NELL1: variants seen among roughly 807,000 people sequenced by gnomAD.
The protein encoded by NELL1 is neural EGFL like 1.
NELL1 carries 76 observed loss-of-function variants against 107.4 expected under a neutral mutation model. The observed-to-expected ratio is 0.71, with a 90% CI of 0.59 to 0.86. The LOEUF (loss-of-function observed/expected upper bound fraction) is 0.86. NELL1 is among the 40% of genes least tolerant of loss of function. The pLI, the probability that NELL1 is intolerant of heterozygous loss-of-function variation, is 0.00. For synonymous variants in NELL1, 353 were observed against 341.2 expected (o/e 1.03, Z -0.38); for missense variants, 1,024 against 1,005.5 (o/e 1.02, Z -0.25).
At chr11:21,436,493 CTT>C (rs960444221) in intron 15 of NELL1, among the ~76,000 whole-genome samples, 1 of 152,070 alleles carries the variant, frequency 6.6e-6, no homozygotes, top group African/African-American at 2.4e-5. Flanking sequence ...TGTAATGTCT[CTT>C]ATTTCATTTC....
At chr11:21,479,509 G>C (rs924304662) in intron 15 of NELL1, among the ~76,000 whole-genome samples, 20 of 152,096 alleles carry the variant, frequency 1.3e-4, no homozygotes, top group African/African-American at 4.6e-4. Flanking sequence ...TAATAGAGAT[G>C]AAAAGTAGAA....
intron 14 of NELL1, among the ~76,000 whole-genome samples, chr11:21,301,950 A>C (rs1309821565): frequency 1.3e-5 from 2 of 152,042 alleles, no homozygotes; most frequent in Non-Finnish European, 2.9e-5. Context: ...TTGAGGTACT[A>C]ATATGTTCTG....
chr11:20,813,905 A>G (rs919831869), intron 3 of NELL1, among the ~76,000 whole-genome samples: 1 of 152,040 alleles, frequency 6.6e-6, no homozygotes, highest in Non-Finnish European at 1.5e-5. Context: ...TGTCTTTATC[A>G]CAACCAAGAT....
intron 14 of NELL1, among the ~76,000 whole-genome samples, chr11:21,341,333 A>G (rs1590853169): frequency 6.6e-6 from 1 of 152,178 alleles, no homozygotes. Flanking sequence ...GAGAAATTCT[A>G]TTCTATCTCT....
chr11:20,977,673 T>C (rs149758957), intron 12 of NELL1, among the ~76,000 whole-genome samples: 3 of 152,354 alleles, frequency 2.0e-5, no homozygotes, highest in African/African-American at 7.2e-5. Flanking sequence ...CTTATTAGCA[T>C]GGAGAGCAGG....
chr11:21,123,988 A>G (rs1855430782), intron 13 of NELL1, among the ~76,000 whole-genome samples: 1 of 152,200 alleles, frequency 6.6e-6, no homozygotes. Flanking sequence ...ATGAATACAT[A>G]TGCACATACA....
At chr11:20,860,603 A>G (rs1488545482) in intron 4 of NELL1, among the ~76,000 whole-genome samples, 1 of 152,202 alleles carries the variant, frequency 6.6e-6, no homozygotes, top group African/African-American at 2.4e-5. Flanking sequence ...AGTGTGCTTT[A>G]TGAATATCAG....
chr11:20,961,638 G>A (rs186702545), intron 12 of NELL1, among the ~76,000 whole-genome samples: 3 of 152,136 alleles, frequency 2.0e-5, no homozygotes, highest in East Asian at 1.9e-4. Flanking sequence ...CGAACAACAC[G>A]GGTTTAAACT....
chr11:21,439,083 T>A (rs994800402), intron 15 of NELL1, among the ~76,000 whole-genome samples: 5 of 150,758 alleles, frequency 3.3e-5, no homozygotes, highest in Admixed American at 6.6e-5. Context: ...AGGTGTGACA[T>A]AAAAGGTGAA....
chr11:20,845,856 A>G (rs7113982), intron 3 of NELL1, among the ~76,000 whole-genome samples: 51,010 of 151,808 alleles, frequency 0.34, 9,943 homozygotes, highest in African/African-American at 0.54. Flanking sequence ...ACCTTCAGAC[A>G]TGGGATATAT....
chr11:20,802,879 A>T (rs4923059), intron 3 of NELL1, among the ~76,000 whole-genome samples: 1 of 152,162 alleles, frequency 6.6e-6, no homozygotes, highest in Non-Finnish European at 1.5e-5. Context: ...TGGTTGATTT[A>T]TGTATGCTGA....
intron 2 of NELL1, among the ~76,000 whole-genome samples, chr11:20,714,633 C>T (rs2133900451): frequency 6.6e-6 from 1 of 152,208 alleles, no homozygotes; most frequent in South Asian, 2.1e-4. Flanking sequence ...GTGATCCTTC[C>T]ACCTCAGTCT....
chr11:21,324,627 T>C (rs1850088073), intron 14 of NELL1, among the ~76,000 whole-genome samples: 1 of 152,054 alleles, frequency 6.6e-6, no homozygotes, highest in African/African-American at 2.4e-5. Context: ...ATGGGAATCT[T>C]AGGAGAAAGG....
At chr11:20,923,187 A>G (rs571002237) in intron 7 of NELL1, among the ~76,000 whole-genome samples, 1 of 152,236 alleles carries the variant, frequency 6.6e-6, no homozygotes, top group South Asian at 2.1e-4. Context: ...TATAAGCTAG[A>G]GAGGAATTGG....
chr11:21,413,683 A>G (rs1185325112), intron 15 of NELL1, among the ~76,000 whole-genome samples: 1 of 152,028 alleles, frequency 6.6e-6, no homozygotes, highest in Non-Finnish European at 1.5e-5. Context: ...GCCCAACTGC[A>G]TGGTCACCCC....
chr11:21,474,104 A>G (rs1315759284), intron 15 of NELL1, among the ~76,000 whole-genome samples: 1 of 152,006 alleles, frequency 6.6e-6, no homozygotes, highest in Non-Finnish European at 1.5e-5. Flanking sequence ...GATTCTGCAT[A>G]ATCTGACCTC....
chr11:21,377,008 C>A (rs1851496702), intron 15 of NELL1, among the ~76,000 whole-genome samples: 1 of 152,060 alleles, frequency 6.6e-6, no homozygotes, highest in Admixed American at 6.6e-5. Flanking sequence ...AGTTTGACTT[C>A]TTCTTTTCCT....
intron 4 of NELL1, among the ~76,000 whole-genome samples, chr11:20,862,196 TCTGA>T (rs1283157138): frequency 6.6e-6 from 1 of 152,246 alleles, no homozygotes; most frequent in Non-Finnish European, 1.5e-5. Flanking sequence ...GGATGCTAAA[TCTGA>T]CTATGATTCT....
chr11:21,152,827 T>C (rs1565086114), intron 13 of NELL1, among the ~76,000 whole-genome samples: 1 of 152,208 alleles, frequency 6.6e-6, no homozygotes, highest in Non-Finnish European at 1.5e-5. Flanking sequence ...TTCTTTTCTT[T>C]TGAGCTATTT....
Sources: allele counts gnomAD v4.1 joint callset (sites outside exome capture counted in the v4.1 genomes callset), GRCh38; gene constraint gnomAD v4.1.1; transcripts MANE v1.5; gene names NCBI Gene and HGNC (gene_info 2026-07-23, HGNC 2026-07-21).